BCAS3: variants seen among roughly 807,000 people sequenced by gnomAD.
BCAS3 encodes BCAS4/BCAS3 fusion.
Under a neutral mutation model 116.1 loss-of-function variants are expected in BCAS3, and 53 were observed. That is an observed-to-expected ratio of 0.46 (90% CI 0.37 to 0.57). The LOEUF (loss-of-function observed/expected upper bound fraction) is 0.57. Among genes scored for constraint, BCAS3 ranks in the 20% least tolerant of loss-of-function variants. The probability of loss-of-function intolerance (pLI) is 0.00; values close to 1 mark genes in which losing one functional copy is unlikely to be tolerated. For synonymous variants in BCAS3, 391 were observed against 408.2 expected, an observed-to-expected ratio of 0.96 and a Z score of 0.51; for missense variants, 917 against 1,165.4, an observed-to-expected ratio of 0.79 and a Z score of 3.10.
At position 61,023,313 on chromosome 17, in the gene BCAS3, A is replaced by G. The variant is rs2066000793; in HGVS notation, c.1637+7412A>G. Among the ~76,000 whole-genome samples the G allele has an allele frequency of 6.6e-6, 1 of 152,170 alleles. No homozygotes were observed. On this transcript the variant is annotated intron_variant, in intron 16 of 23. Coordinates refer to ENST00000407086, the MANE Select transcript of BCAS3 (RefSeq NM_017679.5). The surrounding 1 kb of genome is among the most constrained non-coding windows in gnomAD (Gnocchi z 4.8). ...CTTTTTCTCTGCTTCATCTCTGTTT[A>G]TTACATTTAATATTTATATGGGCTC... is the stretch of plus-strand genomic sequence containing the variant.
intron 11 of BCAS3, among the ~76,000 whole-genome samples, chr17:60,909,397 A>G (rs1260798474): frequency 6.6e-6 from 1 of 152,172 alleles, no homozygotes; most frequent in African/African-American, 2.4e-5. Flanking sequence ...ATGTGCCAGA[A>G]TTAGGTAAGG....
At chr17:60,933,848 CT>C (rs2059786163) in intron 13 of BCAS3, among the ~76,000 whole-genome samples, 1 of 152,052 alleles carries the variant, frequency 6.6e-6, no homozygotes, top group Non-Finnish European at 1.5e-5. Flanking sequence ...AATTTATTTC[CT>C]TTTTTCATTA....
At chr17:60,868,467 A>G in intron 7 of BCAS3, 109 bp from the exon 8 acceptor site, 1 of 547,358 alleles carries the variant, frequency 1.8e-6, no homozygotes, top group Non-Finnish European at 2.9e-6. Context: ...TCAATTTACT[A>G]ATATCTTGTT....
At chr17:60,854,049 C>T (rs1044787640) in intron 7 of BCAS3, among the ~76,000 whole-genome samples, 1 of 152,052 alleles carries the variant, frequency 6.6e-6, no homozygotes, top group Non-Finnish European at 1.5e-5. Context: ...ATCCTTCCCC[C>T]CTCCCCCAAC....
chr17:60,753,700 C>T (rs1348194777), intron 6 of BCAS3, among the ~76,000 whole-genome samples: 4 of 152,128 alleles, frequency 2.6e-5, no homozygotes, highest in Non-Finnish European at 5.9e-5. Context: ...TGAGCCACCA[C>T]GCTCTGCCGC....
At position 61,087,460 on chromosome 17, in the gene BCAS3, A is replaced by G. The variant is rs900575477; in HGVS notation, c.2425+2896A>G. ...TAATAGAATTTAATGTGATATAATT[A>G]AATCCTTTGACAATTATAACAGTTT... On this transcript the variant is annotated intron_variant, in intron 22 of 23. Coordinates refer to ENST00000407086, the MANE Select transcript of BCAS3 (RefSeq NM_017679.5). The surrounding 1 kb of genome is among the most constrained non-coding windows in gnomAD (Gnocchi z 4.6). 6.5e-5 allele frequency: 10 copies of G among 152,794 alleles called. No homozygotes were observed. Among genetic ancestry groups the G allele is most frequent in the African/African-American group, 2.4e-4 (10 of 41,484 alleles). 9.5% of individuals were successfully genotyped at this position (152,794 alleles called of 1,614,324 possible).
Position 61,286,231 on chromosome 17 carries a change from G to A in BCAS3, c.2426-82096G>A, listed in dbSNP as rs1487799600. On this transcript the variant is annotated intron_variant, in intron 22 of 23. Transcript: ENST00000407086. This position sits in a 1 kb window ranked among gnomAD's most constrained non-coding sequence, Gnocchi z 4.8. The stretch of plus-strand genomic sequence containing the variant: ...CCTTGGGGAGCCTGCAGGGCGGGGT[G>A]CGGAGGGTCTGCGGGGGTGGGGCGC... 6.6e-6 allele frequency among the ~76,000 whole-genome samples: 1 copy of A among 152,238 alleles called. No individual in the cohort carries two copies. Among genetic ancestry groups the A allele is most frequent in the East Asian group, 1.9e-4 (1 of 5,198 alleles).
intron 5 of BCAS3, chr17:60,709,656 T>A (rs2144009578): frequency 3.6e-6 from 1 of 278,930 alleles, no homozygotes; most frequent in Non-Finnish European, 6.9e-6. Flanking sequence ...CCCAAAGTGT[T>A]GGGATTACAG....
At position 61,029,972 on chromosome 17, in the gene BCAS3, TA is replaced by T. The variant is rs1454722680; in HGVS notation, c.1638-4692del. On this transcript the variant is annotated intron_variant, in intron 16 of 23. Transcript: ENST00000407086. The surrounding 1 kb of genome is among the most constrained non-coding windows in gnomAD (Gnocchi z 5.2). ...AAGAAAAATTTATGACAGAATAGAA[TA>T]ATTTCAGACAGATTATTAATATCTT... Among the ~76,000 whole-genome samples, 2 of 152,048 alleles carry T rather than the reference TA, an allele frequency of 1.3e-5. No homozygotes were observed. Among genetic ancestry groups the T allele is most frequent in the Non-Finnish European group, 2.9e-5 (2 of 67,946 alleles).
At position 60,962,257 on chromosome 17, in the gene BCAS3, C is replaced by T. The variant is rs1186336123; in HGVS notation, c.1221+14905C>T. 1.3e-5 allele frequency among the ~76,000 whole-genome samples: 2 copies of T among 152,174 alleles called. No individual in the cohort carries two copies. The highest frequency in any genetic ancestry group is 2.9e-5 in the Non-Finnish European group (2 of 68,020). ...CTGTTTTTAGTTTTCTGAGGAACCT[C>T]CATACTGTGCTCCATAGTGGCTGCA... On this transcript the variant is annotated intron_variant, in intron 14 of 23. Transcript: ENST00000407086. The surrounding 1 kb of genome is among the most constrained non-coding windows in gnomAD (Gnocchi z 4.4).
intron 6 of BCAS3, among the ~76,000 whole-genome samples, chr17:60,751,541 T>C (rs2042459757): frequency 4.4e-5 from 1 of 22,714 alleles, no homozygotes; most frequent in African/African-American, 4.7e-5. Flanking sequence ...TTTTTCTTTT[T>C]CTTTTTTTTT....
chr17:60,975,014 A>G (rs1266013496), intron 14 of BCAS3, among the ~76,000 whole-genome samples: 1 of 133,054 alleles, frequency 7.5e-6, no homozygotes, highest in Non-Finnish European at 1.6e-5. Flanking sequence ...TTTTTTTTTG[A>G]GACGGAGTCT....
chr17:60,852,707 A>G (rs1191116827), intron 7 of BCAS3, among the ~76,000 whole-genome samples: 1 of 152,230 alleles, frequency 6.6e-6, no homozygotes, highest in Non-Finnish European at 1.5e-5. Context: ...AAGATGCTCA[A>G]TAATGTATGT....
At chr17:60,932,742 CAAAAAAAA>C (rs1167994825) in intron 13 of BCAS3, among the ~76,000 whole-genome samples, 5 of 38,202 alleles carry the variant, frequency 1.3e-4, no homozygotes, top group South Asian at 3.0e-3. Flanking sequence ...ACTCTTGTCT[CAAAAAAAA>C]AAAAAAAAAA....
rs193243799 is a variant in BCAS3 at position 61,382,307 on chromosome 17, C to G, written c.2594-9670C>G. ...CAGAGTTTCACTCTTGTTGCCCAGG[C>G]TGGAGTGCAATGGCACGACCTCAGC... On this transcript the variant is annotated intron_variant, in intron 23 of 23. Coordinates refer to ENST00000407086, the MANE Select transcript of BCAS3 (RefSeq NM_017679.5). Among the ~76,000 whole-genome samples the G allele has an allele frequency of 1.8e-3, 278 of 151,108 alleles. 2 individuals are homozygous for G. The highest frequency in any genetic ancestry group is 6.6e-3 in the African/African-American group (273 of 41,138).
chr17:61,136,131 C>T lies in BCAS3; in HGVS notation c.2425+51567C>T, dbSNP rs949112933. ...TTCTCAACTACTAGCACCTCTTAGA[C>T]TCCAAAATGCTTTGCACCTATTTAA... On this transcript the variant is annotated intron_variant, in intron 22 of 23. Transcript: ENST00000407086. This position sits in a 1 kb window ranked among gnomAD's most constrained non-coding sequence, Gnocchi z 4.4. Among the ~76,000 whole-genome samples, 1 of 152,214 alleles carries T rather than the reference C, an allele frequency of 6.6e-6. No individual in the cohort carries two copies. The highest frequency in any genetic ancestry group is 1.5e-5 in the Non-Finnish European group (1 of 68,034).
intron 4 of BCAS3, among the ~76,000 whole-genome samples, chr17:60,702,272 C>T (rs374506079): frequency 1.6e-4 from 24 of 152,270 alleles, no homozygotes; most frequent in Admixed American, 1.4e-3. Flanking sequence ...TGCGAGTATT[C>T]GCTTAAAATC....
At chr17:61,185,847 G>A (rs1366623318) in intron 22 of BCAS3, among the ~76,000 whole-genome samples, 5 of 151,938 alleles carry the variant, frequency 3.3e-5, no homozygotes, top group Admixed American at 6.6e-5. Flanking sequence ...TGAGAATTGT[G>A]GATTATTTTA....
chr17:60,753,545 G>A (rs532887945), intron 6 of BCAS3, among the ~76,000 whole-genome samples: 4 of 151,934 alleles, frequency 2.6e-5, no homozygotes, highest in South Asian at 4.2e-4. Flanking sequence ...GAGTAGCTGG[G>A]ACTACAGGCG....
Sources: gnomAD v4.1 joint callset for allele counts (sites outside exome capture counted in the v4.1 genomes callset) on GRCh38, gnomAD v4.1.1 for gene constraint, Gnocchi (gnomAD v3.1) non-coding constraint, MANE v1.5 for transcripts, NCBI Gene and HGNC (gene_info 2026-07-23, HGNC 2026-07-21) for gene names.